Variants in ABHD3 observed in about 807,000 individuals in gnomAD.
ABHD3 encodes phospholipase ABHD3.
ABHD3 carries 46 observed loss-of-function variants against 48.8 expected under a neutral mutation model. That is an observed-to-expected ratio of 0.94 (90% CI 0.74 to 1.20). ABHD3 has a LOEUF of 1.20. ABHD3 is among the 50% of genes most tolerant of loss of function. The pLI is 0.00. For missense variants in ABHD3, 490 were observed against 497.8 expected (o/e 0.98, Z 0.15); for synonymous variants, 192 against 183.7 (o/e 1.04, Z -0.36).
At chr18:21,659,483 TGCAA>T (rs1270836145) in intron 5 of ABHD3, 140 bp from the exon 6 acceptor site, 1 of 748,036 alleles carries the variant, frequency 1.3e-6, no homozygotes, top group African/African-American at 1.8e-5. Context: ...TGGAAAAGCA[TGCAA>T]GCATCTTCAT....
At chr18:21,680,739 C>T (rs2039985433) in intron 4 of ABHD3, among the ~76,000 whole-genome samples, 1 of 152,102 alleles carries the variant, frequency 6.6e-6, no homozygotes. Flanking sequence ...TGTACTATTT[C>T]AAAGCAAATT....
chr18:21,696,237 G>A (rs1162005259), intron 3 of ABHD3, among the ~76,000 whole-genome samples: 8 of 150,402 alleles, frequency 5.3e-5, no homozygotes, highest in South Asian at 2.1e-4. Flanking sequence ...TCTGCCTCCC[G>A]GGTTCACGAC....
rs1306280976 is a variant in ABHD3 at position 21,664,213 on chromosome 18, A to T, written c.573T>A (p.Cys191Ter). 6.2e-7 allele frequency: 1 copy of T among 1,613,882 alleles called. No homozygotes were observed. Among genetic ancestry groups the T allele is most frequent in the Non-Finnish European group, 8.5e-7 (1 of 1,179,934 alleles). ...GENLLTPRTY[C>*]CANTEDLETV... ...TCTCCAAGTCTTCAGTGTTAGCACA[A>T]CAATAAGTCCTTGGCGTCTGGAAGT... The change falls in exon 5 of 9, where the codon TGT becomes TGA. Residue 191 changes from cysteine to a stop codon, truncating the protein, a stop_gained. Transcript: ENST00000289119. LOFTEE classifies it high-confidence loss of function.
chr18:21,681,357 A>C (rs2040001072), intron 4 of ABHD3, among the ~76,000 whole-genome samples: 2 of 152,132 alleles, frequency 1.3e-5, no homozygotes, highest in Admixed American at 6.6e-5. Flanking sequence ...ACATTACCCT[A>C]GACTCCCTTG....
chr18:21,654,232 T>C (rs1390762238), intron 8 of ABHD3, among the ~76,000 whole-genome samples: 1 of 152,080 alleles, frequency 6.6e-6, no homozygotes, highest in Non-Finnish European at 1.5e-5. Context: ...TATATATATA[T>C]AATGTGATTG....
chr18:21,655,293 T>G (rs995666737), intron 8 of ABHD3, among the ~76,000 whole-genome samples: 5 of 151,248 alleles, frequency 3.3e-5, no homozygotes, highest in South Asian at 4.2e-4. Context: ...AGTTTTTTTT[T>G]TTTTTTTTTT....
At chr18:21,668,460 CAG>C (rs1461378795) in intron 4 of ABHD3, among the ~76,000 whole-genome samples, 4 of 151,938 alleles carry the variant, frequency 2.6e-5, no homozygotes, top group Admixed American at 2.0e-4. Flanking sequence ...TAGACACATA[CAG>C]AGTTAGGGCA....
At chr18:21,679,568 G>A (rs1404284644) in intron 4 of ABHD3, among the ~76,000 whole-genome samples, 1 of 151,952 alleles carries the variant, frequency 6.6e-6, no homozygotes, top group African/African-American at 2.4e-5. Context: ...TCGCTCTGTC[G>A]CCCAGGCTGG....
intron 3 of ABHD3, among the ~76,000 whole-genome samples, chr18:21,696,236 C>T (rs1422518700): frequency 2.0e-5 from 3 of 151,494 alleles, no homozygotes; most frequent in Non-Finnish European, 4.4e-5. Flanking sequence ...CTCTGCCTCC[C>T]GGGTTCACGA....
At chr18:21,672,211 C>T (rs1453271947) in intron 4 of ABHD3, among the ~76,000 whole-genome samples, 1 of 152,026 alleles carries the variant, frequency 6.6e-6, no homozygotes, top group African/African-American at 2.4e-5. Context: ...CAATTTTTGA[C>T]CTAGACTCAA....
chr18:21,689,549 C>CAAAAAAAAAAAA (rs36011228), intron 3 of ABHD3, among the ~76,000 whole-genome samples: 2 of 41,810 alleles, frequency 4.8e-5, no homozygotes, highest in Admixed American at 7.6e-4. Context: ...AATCTGGTCT[C>CAAAAAAAAAAAA]AAAAAAAAAA....
intron 8 of ABHD3, among the ~76,000 whole-genome samples, chr18:21,652,387 AAAAT>A (rs1422500406): frequency 1.3e-5 from 2 of 152,076 alleles, no homozygotes; most frequent in South Asian, 2.1e-4. Context: ...AAAGCAAAGA[AAAAT>A]AAAGAACGAA....
rs751548388 is a variant in ABHD3, at chr18:21,684,004, T to A, written c.510-39A>T. On this transcript the variant is annotated intron_variant, in intron 3 of 8. Transcript: ENST00000289119. ...AAGCAATTTTTGTTATTTTTACACA[T>A]GATTCTTGCTCATGATATAATATTA... The A allele has an allele frequency of 1.9e-6, 3 of 1,551,760 alleles. No individual in the cohort carries two copies. The Admixed American group carries it at 5.3e-5, about 27-fold the overall frequency.
At chr18:21,677,477 A>G (rs1233453769) in intron 4 of ABHD3, among the ~76,000 whole-genome samples, 1 of 151,940 alleles carries the variant, frequency 6.6e-6, no homozygotes, top group Non-Finnish European at 1.5e-5. Flanking sequence ...AAGTGCTGGA[A>G]TTACAGGCGT....
At position 21,672,268 on chromosome 18, in the gene ABHD3, T is replaced by C. The variant is rs372022789; in HGVS notation, c.556-8038A>G. Among the ~76,000 whole-genome samples, 74 of 152,336 alleles carry C rather than the reference T, an allele frequency of 4.9e-4. 2 individuals are homozygous for C. In the South Asian group the frequency reaches 0.015, roughly 30 times the overall value. On this transcript the variant is annotated intron_variant, in intron 4 of 8. Transcript: ENST00000289119. ...ATCAGGTAGCCAGACTCTCCCTAGC[T>C]ATTCTTGGAGGAGATTAATTTGCTA...
At chr18:21,657,799 A>G (rs1411996818) in intron 6 of ABHD3, among the ~76,000 whole-genome samples, 1 of 152,182 alleles carries the variant, frequency 6.6e-6, no homozygotes, top group Non-Finnish European at 1.5e-5. Context: ...AGATTATAGC[A>G]TTGCGTGCCT....
chr18:21,660,276 G>A (rs2039461872), intron 5 of ABHD3, among the ~76,000 whole-genome samples: 1 of 151,096 alleles, frequency 6.6e-6, no homozygotes, highest in Non-Finnish European at 1.5e-5. Flanking sequence ...TAACTGGTCT[G>A]GATCACTACC....
At chr18:21,662,816 CG>C (rs2039532919) in intron 5 of ABHD3, among the ~76,000 whole-genome samples, 1 of 152,178 alleles carries the variant, frequency 6.6e-6, no homozygotes, top group South Asian at 2.1e-4. Context: ...GGCTTCAATG[CG>C]GCACGAATAG....
At chr18:21,653,757 C>G (rs973254838) in intron 8 of ABHD3, among the ~76,000 whole-genome samples, 1 of 147,616 alleles carries the variant, frequency 6.8e-6, no homozygotes, top group East Asian at 2.0e-4. Flanking sequence ...AAAAAAAAAG[C>G]CTTGTGTGGT....
Sources: allele counts gnomAD v4.1 joint callset (sites outside exome capture counted in the v4.1 genomes callset), GRCh38; gene constraint gnomAD v4.1.1; transcripts MANE v1.5; gene names NCBI Gene and HGNC (gene_info 2026-07-23, HGNC 2026-07-21).